The following LRFN5 variants were observed in gnomAD, a reference collection of about 807,000 sequenced individuals.
LRFN5 encodes the protein leucine-rich repeat and fibronectin type-III domain-containing protein 5.
Under a neutral mutation model 45.6 loss-of-function variants are expected in LRFN5, and 24 were observed. The observed-to-expected ratio is 0.53, with a 90% CI of 0.38 to 0.74. The LOEUF (loss-of-function observed/expected upper bound fraction) is 0.74, where lower values mean the gene tolerates loss of function less well. Ranked by LOEUF, LRFN5 falls within the 30% of genes least tolerant of loss-of-function variation. The pLI is 0.00. For synonymous variants in LRFN5, 340 were observed against 313.8 expected (o/e 1.08, Z -0.88); for missense variants, 776 against 861.5 (o/e 0.90, Z 1.24).
intron 1 of LRFN5, among the ~76,000 whole-genome samples, chr14:41,646,832 G>C (rs1879840170): frequency 6.6e-6 from 1 of 152,070 alleles, no homozygotes; most frequent in Admixed American, 6.6e-5. Context: ...ACCTTTCAAA[G>C]TACAACTATG....
intron 4 of LRFN5, among the ~76,000 whole-genome samples, chr14:41,896,665 T>C (rs1890949671): frequency 1.3e-5 from 2 of 152,308 alleles, no homozygotes; most frequent in South Asian, 4.1e-4. Flanking sequence ...GTCTTTTTCT[T>C]CCCATGCTAG....
intron 1 of LRFN5, among the ~76,000 whole-genome samples, chr14:41,673,775 C>G (rs1265408280): frequency 1.4e-5 from 2 of 143,366 alleles, no homozygotes; most frequent in Admixed American, 6.9e-5. Context: ...ACCTCCCGGA[C>G]GGGGCGGCTG....
At chr14:41,677,281 C>T (rs561746182) in intron 1 of LRFN5, among the ~76,000 whole-genome samples, 43 of 152,022 alleles carry the variant, frequency 2.8e-4, no homozygotes, top group Non-Finnish European at 5.9e-4. Flanking sequence ...GGATGAATAA[C>T]GAGAGTCACT....
At chr14:41,842,764 T>C (rs957029224) in intron 2 of LRFN5, among the ~76,000 whole-genome samples, 3 of 152,158 alleles carry the variant, frequency 2.0e-5, no homozygotes, top group Non-Finnish European at 4.4e-5. Flanking sequence ...ACATCTTATC[T>C]AACATTTAAT....
chr14:41,849,571 TCTC>T (rs1889192726), intron 2 of LRFN5, among the ~76,000 whole-genome samples: 1 of 151,896 alleles, frequency 6.6e-6, no homozygotes, highest in African/African-American at 2.4e-5. Context: ...TTCTATATAT[TCTC>T]CTACTCCCTC....
chr14:41,644,074 G>T (rs79538072), intron 1 of LRFN5, among the ~76,000 whole-genome samples: 3,270 of 152,262 alleles, frequency 0.021, 107 homozygotes, highest in African/African-American at 0.071. Flanking sequence ...TTTCTTGTTT[G>T]AAGTCATGGT....
chr14:41,673,375 G>T (rs1369525996), intron 1 of LRFN5, among the ~76,000 whole-genome samples: 4 of 142,568 alleles, frequency 2.8e-5, no homozygotes, highest in South Asian at 4.4e-4. Flanking sequence ...CGGACGGGGC[G>T]GCTGGCCGGG....
At chr14:41,649,741 C>A (rs1594581274) in intron 1 of LRFN5, among the ~76,000 whole-genome samples, 1 of 152,284 alleles carries the variant, frequency 6.6e-6, no homozygotes, top group Admixed American at 6.5e-5. Context: ...AACCAAAATT[C>A]TCCTTACCCC....
chr14:41,643,711 CCA>C (rs149767883), intron 1 of LRFN5, among the ~76,000 whole-genome samples: 3,301 of 149,280 alleles, frequency 0.022, 110 homozygotes, highest in African/African-American at 0.072. Context: ...CATAAACACA[CCA>C]CACACACACA....
intron 1 of LRFN5, among the ~76,000 whole-genome samples, chr14:41,624,753 A>C (rs1594559667): frequency 6.6e-6 from 1 of 152,320 alleles, no homozygotes; most frequent in East Asian, 1.9e-4. Flanking sequence ...AAGAAGCAAA[A>C]GTTCTAAATC....
chr14:41,886,058 T>C (rs979997805), intron 2 of LRFN5, among the ~76,000 whole-genome samples: 5 of 150,846 alleles, frequency 3.3e-5, no homozygotes, highest in East Asian at 3.9e-4. Flanking sequence ...GGTTGATCTA[T>C]GTCAAGATAG....
rs560770795 is a variant in LRFN5 at position 41,713,610 on chromosome 14, T to A, written c.-196-53244T>A. On this transcript the variant is annotated intron_variant, in intron 1 of 5. Transcript: ENST00000298119. ...CAGAAGAGGAAAGAAGAACGATCAA[T>A]AAACCTATAGAAGTACTTTCAATGT... Among the ~76,000 whole-genome samples, 386 of 152,232 alleles carry A rather than the reference T, an allele frequency of 2.5e-3. 2 individuals carry two copies. Among genetic ancestry groups the A allele is most frequent in the African/African-American group, 8.8e-3 (365 of 41,576 alleles).
chr14:41,891,034 G>T (rs1890762050), intron 3 of LRFN5, among the ~76,000 whole-genome samples: 1 of 152,088 alleles, frequency 6.6e-6, no homozygotes, highest in Non-Finnish European at 1.5e-5. Flanking sequence ...AGCTTGTGAA[G>T]GCTTGGGGTA....
intron 2 of LRFN5, among the ~76,000 whole-genome samples, chr14:41,847,872 A>G (rs1242241965): frequency 6.6e-6 from 1 of 152,168 alleles, no homozygotes; most frequent in Non-Finnish European, 1.5e-5. Flanking sequence ...ACGCCATTAT[A>G]TAAACACGTC....
chr14:41,612,655 T>C (rs1385960846), intron 1 of LRFN5, among the ~76,000 whole-genome samples: 1 of 152,134 alleles, frequency 6.6e-6, no homozygotes, highest in Non-Finnish European at 1.5e-5. Flanking sequence ...CCCACATTTT[T>C]ATTCCCATGG....
intron 1 of LRFN5, among the ~76,000 whole-genome samples, chr14:41,673,944 G>A (rs1474951554): frequency 2.7e-5 from 4 of 147,132 alleles, no homozygotes; most frequent in South Asian, 2.2e-4. Context: ...CTGGGCGGGG[G>A]GCTGACACCC....
At chr14:41,777,752 T>C (rs1886342115) in intron 2 of LRFN5, among the ~76,000 whole-genome samples, 1 of 151,806 alleles carries the variant, frequency 6.6e-6, no homozygotes, top group Non-Finnish European at 1.5e-5. Flanking sequence ...AATCATTTTA[T>C]GGTGAGTACC....
intron 2 of LRFN5, among the ~76,000 whole-genome samples, chr14:41,783,392 C>A (rs573033665): frequency 6.6e-6 from 1 of 152,208 alleles, no homozygotes; most frequent in Non-Finnish European, 1.5e-5. Context: ...CTCCAGATTT[C>A]ATTGTGGCAG....
intron 1 of LRFN5, among the ~76,000 whole-genome samples, chr14:41,626,444 A>C (rs1221445305): frequency 6.6e-6 from 1 of 152,150 alleles, no homozygotes; most frequent in Admixed American, 6.6e-5. Context: ...AGTGGGAAAT[A>C]CCAAAAATAC....
Sources: gnomAD v4.1 joint callset for allele counts (sites outside exome capture counted in the v4.1 genomes callset) on GRCh38, gnomAD v4.1.1 for gene constraint, MANE v1.5 for transcripts, NCBI Gene and HGNC (gene_info 2026-07-23, HGNC 2026-07-21) for gene names.